Variants in CELF2 observed in about 807,000 individuals in gnomAD.
CELF2 encodes the protein CUGBP Elav-like family member 2.
A neutral mutation model predicts 62.6 loss-of-function variants in CELF2; 8 were observed. The ratio of observed to expected loss-of-function variants is 0.13; its 90% confidence interval spans 0.07 to 0.23. The LOEUF (loss-of-function observed/expected upper bound fraction) is 0.23. CELF2 is among the 10% of genes least tolerant of loss of function. CELF2 has a pLI of 1.00. For missense variants in CELF2, 333 were observed against 671.0 expected (o/e 0.50, Z 5.56); for synonymous variants, 258 against 250.0 (o/e 1.03, Z -0.30).
At chr10:11,212,632 A>G (rs2062157146) in intron 2 of CELF2, among the ~76,000 whole-genome samples, 1 of 151,546 alleles carries the variant, frequency 6.6e-6, no homozygotes. Context: ...CGAGTTTTCC[A>G]TTGGACCTGA....
At chr10:10,743,341 C>T in the CELF2 span, among the ~76,000 whole-genome samples, 16 of 152,174 alleles carry the variant, frequency 1.1e-4, no homozygotes, top group African/African-American at 3.6e-4. Context: ...TGACAAGAAG[C>T]AGAAATGACA....
chr10:11,144,321 A>G (rs1441346398), intron 1 of CELF2, among the ~76,000 whole-genome samples: 1 of 152,166 alleles, frequency 6.6e-6, no homozygotes, highest in Non-Finnish European at 1.5e-5. Context: ...TAGTAGTTCG[A>G]TATTATATTA....
At chr10:10,854,536 T>G (rs1419339419) in intron 1 of CELF2, among the ~76,000 whole-genome samples, 1 of 152,124 alleles carries the variant, frequency 6.6e-6, no homozygotes, top group Non-Finnish European at 1.5e-5. Context: ...AAAATAATTA[T>G]TGGCAAAAAT....
intron 1 of CELF2, among the ~76,000 whole-genome samples, chr10:11,027,950 A>G (rs980480231): frequency 6.6e-6 from 1 of 152,224 alleles, no homozygotes; most frequent in African/African-American, 2.4e-5. Flanking sequence ...ACTGGCCGCA[A>G]GTTCCCCCGC....
At chr10:10,573,289 C>G in the CELF2 span, among the ~76,000 whole-genome samples, 1 of 152,142 alleles carries the variant, frequency 6.6e-6, no homozygotes, top group Non-Finnish European at 1.5e-5. Context: ...AAAGTTTTCT[C>G]CCACTCTGCT....
chr10:11,197,203 G>A (rs2058191055), intron 2 of CELF2, among the ~76,000 whole-genome samples: 1 of 152,002 alleles, frequency 6.6e-6, no homozygotes, highest in African/African-American at 2.4e-5. Context: ...GAAATCTCTG[G>A]TTGAACGTGG....
chr10:11,127,123 C>T (rs2058837111), intron 1 of CELF2, among the ~76,000 whole-genome samples: 1 of 152,120 alleles, frequency 6.6e-6, no homozygotes, highest in Admixed American at 6.6e-5. Context: ...CAGTTCCCAC[C>T]TATGAGTGAG....
the CELF2 span, among the ~76,000 whole-genome samples, chr10:10,657,667 C>T: frequency 6.6e-6 from 1 of 151,954 alleles, no homozygotes; most frequent in Non-Finnish European, 1.5e-5. Context: ...CTACACATGC[C>T]TTAAGGATCT....
the CELF2 span, among the ~76,000 whole-genome samples, chr10:10,687,401 CA>C: frequency 6.6e-3 from 1,012 of 152,266 alleles, 9 homozygotes; most frequent in African/African-American, 0.023. Context: ...TTAAAATTAT[CA>C]AATACTATTG....
chr10:10,913,857 GAGAA>G (rs1196448908), intron 1 of CELF2, among the ~76,000 whole-genome samples: 278 of 23,730 alleles, frequency 0.012, 1 homozygote, highest in African/African-American at 0.033. Context: ...GAGGGAAGGA[GAGAA>G]GGAAGGAAGG....
chr10:10,587,170 T>G, the CELF2 span, among the ~76,000 whole-genome samples: 1 of 152,140 alleles, frequency 6.6e-6, no homozygotes, highest in Non-Finnish European at 1.5e-5. Context: ...GGAGTTCACA[T>G]CACCAAGTAG....
chr10:10,600,154 A>C, the CELF2 span, among the ~76,000 whole-genome samples: 2 of 152,352 alleles, frequency 1.3e-5, no homozygotes, highest in South Asian at 4.1e-4. Context: ...TGTCCTCAGG[A>C]AAGTGCAGAG....
chr10:11,083,217 A>G (rs1479718852), intron 1 of CELF2, among the ~76,000 whole-genome samples: 1 of 152,178 alleles, frequency 6.6e-6, no homozygotes, highest in East Asian at 1.9e-4. Flanking sequence ...AATAAAAATG[A>G]ACTGGGGAAA....
the CELF2 span, among the ~76,000 whole-genome samples, chr10:10,646,475 T>C: frequency 2.0e-5 from 3 of 152,218 alleles, no homozygotes; most frequent in Non-Finnish European, 4.4e-5. Flanking sequence ...AGCCCCTTAC[T>C]TTGCCCCCTC....
At chr10:11,153,607 A>G (rs1009330392) in intron 1 of CELF2, among the ~76,000 whole-genome samples, 2 of 152,230 alleles carry the variant, frequency 1.3e-5, no homozygotes, top group Admixed American at 1.3e-4. Flanking sequence ...GTTTACCCTA[A>G]CACCCTTGGT....
chr10:10,483,214 CAAAAAA>C, the CELF2 span, among the ~76,000 whole-genome samples: 1 of 93,434 alleles, frequency 1.1e-5, no homozygotes. Context: ...GGCAGAATAC[CAAAAAA>C]AAAAAAAAAA....
At chr10:11,093,565 CAAATT>C (rs2048929684) in intron 1 of CELF2, among the ~76,000 whole-genome samples, 2 of 152,168 alleles carry the variant, frequency 1.3e-5, no homozygotes, top group African/African-American at 4.8e-5. Context: ...TTCAAGTCAT[CAAATT>C]GAGTGTCATA....
rs185618466 is a variant in CELF2 at position 11,241,512 on chromosome 10, T to C, written c.355-7641T>C. On this transcript the variant is annotated intron_variant, in intron 3 of 12. Coordinates refer to ENST00000633077, the MANE Select transcript of CELF2 (RefSeq NM_001326342.2). ...ACCGCGCTGGGCCAGCTGCTTGTTA[T>C]TGATCTGACAGATTATTTTTGTCAT... is the stretch of plus-strand genomic sequence containing the variant. Among the ~76,000 whole-genome samples, 3 of 152,368 alleles carry C rather than the reference T, an allele frequency of 2.0e-5. No homozygotes were observed. In the East Asian group the frequency reaches 5.8e-4, roughly 29 times the overall value.
the CELF2 span, among the ~76,000 whole-genome samples, chr10:10,706,293 T>C: frequency 6.6e-6 from 1 of 152,224 alleles, no homozygotes; most frequent in Non-Finnish European, 1.5e-5. Flanking sequence ...AGTACCTAGC[T>C]GGCACTAAGT....
Sources: allele counts gnomAD v4.1 joint callset (sites outside exome capture counted in the v4.1 genomes callset), GRCh38; gene constraint gnomAD v4.1.1; transcripts MANE v1.5; gene names NCBI Gene and HGNC (gene_info 2026-07-23, HGNC 2026-07-21).